The following PDE3B variants were observed in gnomAD, a reference collection of about 807,000 sequenced individuals.
PDE3B encodes cGMP-inhibited 3',5'-cyclic phosphodiesterase 3B.
PDE3B carries 66 observed loss-of-function variants against 116.8 expected under a neutral mutation model. That is an observed-to-expected ratio of 0.56 (90% CI 0.46 to 0.69). The LOEUF (loss-of-function observed/expected upper bound fraction) is 0.69, where lower values mean the gene tolerates loss of function less well. Among genes scored for constraint, PDE3B ranks in the 30% least tolerant of loss-of-function variants. The probability of loss-of-function intolerance (pLI) is 0.00; values close to 1 mark genes in which losing one functional copy is unlikely to be tolerated. For missense variants in PDE3B, 1,384 were observed against 1,368.1 expected (o/e 1.01, Z -0.18); for synonymous variants, 595 against 533.6 (o/e 1.12, Z -1.59).
chr11:14,727,268 T>G (rs1171295518), intron 1 of PDE3B, among the ~76,000 whole-genome samples: 1 of 152,166 alleles, frequency 6.6e-6, no homozygotes, highest in Non-Finnish European at 1.5e-5. Flanking sequence ...AATACTAACA[T>G]GTATTGATAT....
At chr11:14,792,272 G>A (rs896741297) in intron 4 of PDE3B, among the ~76,000 whole-genome samples, 12 of 152,106 alleles carry the variant, frequency 7.9e-5, no homozygotes, top group African/African-American at 9.6e-5. Context: ...AAAAACAGTA[G>A]GCATGTAACT....
chr11:14,704,636 G>T (rs1355385435), intron 1 of PDE3B, among the ~76,000 whole-genome samples: 1 of 151,618 alleles, frequency 6.6e-6, no homozygotes, highest in Admixed American at 6.6e-5. Flanking sequence ...AGGTGGTAGG[G>T]CATTTCAAAG....
intron 1 of PDE3B, among the ~76,000 whole-genome samples, chr11:14,678,721 A>G (rs1237555093): frequency 2.0e-5 from 3 of 152,128 alleles, no homozygotes; most frequent in African/African-American, 4.8e-5. Context: ...TCTTCATTCT[A>G]TGAACAATGT....
intron 11 of PDE3B, among the ~76,000 whole-genome samples, chr11:14,842,039 G>T (rs1377754473): frequency 6.6e-6 from 1 of 150,936 alleles, no homozygotes; most frequent in Non-Finnish European, 1.5e-5. Context: ...TGTTTATCTT[G>T]TTCCCTGCTA....
chr11:14,716,158 CG>C (rs1451658966), intron 1 of PDE3B, among the ~76,000 whole-genome samples: 1 of 152,074 alleles, frequency 6.6e-6, no homozygotes. Context: ...AAAGGGGTGA[CG>C]GACGCACCTG....
intron 1 of PDE3B, among the ~76,000 whole-genome samples, chr11:14,766,251 C>T (rs962297231): frequency 6.6e-6 from 1 of 151,596 alleles, no homozygotes; most frequent in Non-Finnish European, 1.5e-5. Flanking sequence ...ATTCTTTTCT[C>T]ATCTCTATTT....
chr11:14,821,646 T>TTG (rs1362030917), intron 7 of PDE3B, among the ~76,000 whole-genome samples: 1 of 109,512 alleles, frequency 9.1e-6, no homozygotes, highest in Non-Finnish European at 2.0e-5. Context: ...CTTAGACTAA[T>TTG]TTTTTTCATT....
chr11:14,715,975 A>T (rs1855871817), intron 1 of PDE3B, among the ~76,000 whole-genome samples: 2 of 152,222 alleles, frequency 1.3e-5, no homozygotes, highest in Admixed American at 1.3e-4. Flanking sequence ...GCGACGCAGA[A>T]GACAGGTGAT....
intron 1 of PDE3B, among the ~76,000 whole-genome samples, chr11:14,700,007 G>C (rs757661026): frequency 1.3e-5 from 2 of 151,574 alleles, no homozygotes; most frequent in Admixed American, 6.6e-5. Flanking sequence ...ATATGGCTCC[G>C]ACAGTAGAGA....
At chr11:14,740,742 C>T (rs1191292966) in intron 1 of PDE3B, among the ~76,000 whole-genome samples, 3 of 152,066 alleles carry the variant, frequency 2.0e-5, no homozygotes, top group Non-Finnish European at 4.4e-5. Context: ...GGCATTTAGT[C>T]TGTAAATTCC....
At chr11:14,880,792 G>A in the PDE3B span, 1 of 1,587,724 alleles carries the variant, frequency 6.3e-7, no homozygotes, top group Non-Finnish European at 8.6e-7. Context: ...TTAAAATATT[G>A]TATAATTCCT....
At chr11:14,674,146 CT>C in intron 1 of PDE3B, 1 of 1,406,712 alleles carries the variant, frequency 7.1e-7, no homozygotes, top group Non-Finnish European at 1.0e-6. Flanking sequence ...TACCCGGGTC[CT>C]TTTCTTCCGA....
chr11:14,840,038 T>G (rs1431998950), intron 11 of PDE3B, among the ~76,000 whole-genome samples: 1 of 152,196 alleles, frequency 6.6e-6, no homozygotes, highest in South Asian at 2.1e-4. Flanking sequence ...TTCTGAGTAC[T>G]ATTGCTCCAA....
intron 1 of PDE3B, among the ~76,000 whole-genome samples, chr11:14,649,969 T>C (rs1853523478): frequency 6.6e-6 from 1 of 152,222 alleles, no homozygotes; most frequent in African/African-American, 2.4e-5. Flanking sequence ...GTTCATCTTG[T>C]TATTTACAAG....
chr11:14,845,338 T>C (rs958774905), intron 12 of PDE3B, among the ~76,000 whole-genome samples: 9 of 151,760 alleles, frequency 5.9e-5, no homozygotes, highest in Admixed American at 5.9e-4. Flanking sequence ...AACCCATCTG[T>C]ACATCACCAT....
chr11:14,681,714 A>G (rs1384482382), intron 1 of PDE3B, among the ~76,000 whole-genome samples: 1 of 152,216 alleles, frequency 6.6e-6, no homozygotes, highest in African/African-American at 2.4e-5. Flanking sequence ...CTTTGCTAGT[A>G]TATAGAAATA....
chr11:14,753,769 A>T (rs984676020), intron 1 of PDE3B, among the ~76,000 whole-genome samples: 4 of 151,876 alleles, frequency 2.6e-5, no homozygotes, highest in African/African-American at 9.7e-5. Context: ...AAATATACAC[A>T]ACAACTTAAA....
At chr11:14,721,261 A>T (rs1390016933) in intron 1 of PDE3B, among the ~76,000 whole-genome samples, 1 of 152,200 alleles carries the variant, frequency 6.6e-6, no homozygotes, top group Non-Finnish European at 1.5e-5. Flanking sequence ...AATCATTAAA[A>T]AGTCAGGAAA....
chr11:14,861,485 G>C, intron 14 of PDE3B, 119 bp downstream of exon 14: 1 of 861,270 alleles, frequency 1.2e-6, no homozygotes, highest in South Asian at 1.6e-5. Flanking sequence ...ACTGGGAAGG[G>C]TTAAAAATTG....
Sources: gnomAD v4.1 joint callset for allele counts (sites outside exome capture counted in the v4.1 genomes callset) on GRCh38, gnomAD v4.1.1 for gene constraint, MANE v1.5 for transcripts, NCBI Gene and HGNC (gene_info 2026-07-23, HGNC 2026-07-21) for gene names.